DHX8: variants seen among roughly 807,000 people sequenced by gnomAD.
DHX8 encodes the protein DEAH-box helicase 8, also known as ATP-dependent RNA helicase DHX8.
A neutral mutation model predicts 140.7 loss-of-function variants in DHX8; 67 were observed. The ratio of observed to expected loss-of-function variants is 0.48; its 90% confidence interval spans 0.39 to 0.58. DHX8 has a LOEUF of 0.58. Among genes scored for constraint, DHX8 ranks in the 20% least tolerant of loss-of-function variants. The probability of loss-of-function intolerance (pLI) is 0.00; values close to 1 mark genes in which losing one functional copy is unlikely to be tolerated. For synonymous variants in DHX8, 533 were observed against 553.2 expected (o/e 0.96, Z 0.51); for missense variants, 887 against 1,550.7 (o/e 0.57, Z 7.19).
chr17:43,511,025 A>G (rs569227688), intron 16 of DHX8, among the ~76,000 whole-genome samples: 55 of 152,044 alleles, frequency 3.6e-4, no homozygotes, highest in African/African-American at 1.2e-3. Context: ...TTGTTTATCC[A>G]TTTATCAGTT....
chr17:43,494,848 G>A (rs1397071244), intron 8 of DHX8, among the ~76,000 whole-genome samples: 1 of 134,166 alleles, frequency 7.5e-6, no homozygotes, highest in East Asian at 2.2e-4. Context: ...GTCTCGCTCT[G>A]TCACCCAGGC....
rs2154586941 is a variant in DHX8, at chr17:43,524,008, CAG to C, written c.*162_*163del. On this transcript the variant is annotated 3_prime_UTR_variant, in exon 23 of 23. Transcript: ENST00000262415. ...TTCTTCCCTGCTGGTAAAATAGAAA[CAG>C]GGATTTAAACCTGGCTTTGGCAAGA... The C allele has an allele frequency of 6.9e-7, 1 of 1,442,302 alleles. No individual in the cohort carries two copies. Among genetic ancestry groups the C allele is most frequent in the East Asian group, 2.5e-5 (1 of 40,020 alleles). The allele number at this position is 1,442,302 out of a possible 1,614,324, so 89.3% of individuals were successfully genotyped here. A position where few individuals can be genotyped will look rare whatever the true frequency, so the allele number is the denominator to read the frequency against.
chr17:43,493,765 T>C lies in DHX8; in HGVS notation c.1091T>C (p.Met364Thr). The stretch of plus-strand genomic sequence containing the variant: ...GGGGAGACCAATGAGGAGACCTCAA[T>C]GCGGAATCCTGATAGACCCACTCAC... ...LVGETNEETSMRNPDRPTHLS... is the reference protein window; with the variant it reads ...LVGETNEETSTRNPDRPTHLS... The change falls in exon 8 of 23, where the codon ATG becomes ACG. Residue 364 changes from methionine (M) to threonine (T), a missense_variant. Physicochemically the swap from Met to Thr is moderately conservative, Grantham distance 81. Coordinates refer to ENST00000262415, the MANE Select transcript of DHX8 (RefSeq NM_004941.3). The C allele has an allele frequency of 6.2e-7, 1 of 1,614,200 alleles. No homozygotes were observed. The highest frequency in any genetic ancestry group is 8.5e-7 in the Non-Finnish European group (1 of 1,180,038).
chr17:43,524,433 ATCCCCTGAAACCAGAACGCAGGGCC>A lies in DHX8; in HGVS notation c.*589_*613del, dbSNP rs771425060. On this transcript the variant is annotated 3_prime_UTR_variant, in exon 23 of 23. Coordinates refer to ENST00000262415, the MANE Select transcript of DHX8 (RefSeq NM_004941.3). Reference sequence around the variant, plus strand: ...GGCACACATGATGAGAATCCCCTGAATCCCCTGAAACCAGAACGCAGGGCCTCTTTGCGCTCGGAAACGACGTACA... The same window carrying A: ...GGCACACATGATGAGAATCCCCTGAATCTTTGCGCTCGGAAACGACGTACA... 2.9e-5 allele frequency: 29 copies of A among 988,388 alleles called. No homozygotes were observed. The highest frequency in any genetic ancestry group is 3.5e-5 in the Non-Finnish European group (29 of 832,042). 61.2% of individuals were successfully genotyped at this position (988,388 alleles called of 1,614,324 possible).
chr17:43,508,130 T>C (rs1969596054), intron 15 of DHX8, 111 bp downstream of exon 15: 1 of 1,184,846 alleles, frequency 8.4e-7, no homozygotes, highest in African/African-American at 1.6e-5. Flanking sequence ...AACTTCTAAA[T>C]ATTCATCTCT....
intron 22 of DHX8, 91 bp downstream of exon 22, chr17:43,522,317 TC>T: frequency 1.6e-6 from 2 of 1,273,736 alleles, no homozygotes; most frequent in Non-Finnish European, 2.2e-6. Flanking sequence ...TCTTCACTAC[TC>T]CCAGTATGTC....
At chr17:43,492,473 A>G (rs1182046818) in intron 5 of DHX8, among the ~76,000 whole-genome samples, 181 bp downstream of exon 5, 2 of 152,230 alleles carry the variant, frequency 1.3e-5, no homozygotes, top group Non-Finnish European at 2.9e-5. Flanking sequence ...GTTGTTCAGA[A>G]TATAGAAGTC....
intron 8 of DHX8, 134 bp downstream of exon 8, chr17:43,494,020 GA>G (rs1415551866): frequency 2.4e-6 from 2 of 827,624 alleles, no homozygotes; most frequent in African/African-American, 3.4e-5. Context: ...TCCTGATAAA[GA>G]CGTACCTGAG....
At chr17:43,515,830 C>T (rs559205226) in intron 17 of DHX8, among the ~76,000 whole-genome samples, 1 of 152,230 alleles carries the variant, frequency 6.6e-6, no homozygotes, top group African/African-American at 2.4e-5. Context: ...GTTAGTTGTC[C>T]TTTCATAACC....
At position 43,492,167 on chromosome 17, in the gene DHX8, G is replaced by A. The variant is rs373864953; in HGVS notation, c.394-16G>A. ...GTAGTTTTTTTTCCTAACTTTGCCG[G>A]CCTCTACCTCTGCAGACCATGTTGG... On this transcript the variant is annotated splice_polypyrimidine_tract_variant and intron_variant, in intron 4 of 22. Transcript: ENST00000262415. The A allele has an allele frequency of 1.6e-5, 25 of 1,605,014 alleles. No individual in the cohort carries two copies. The African/African-American group carries it at 3.2e-4, about 21-fold the overall frequency.
intron 16 of DHX8, among the ~76,000 whole-genome samples, chr17:43,511,429 G>A (rs759102314): frequency 7.1e-5 from 10 of 141,114 alleles, no homozygotes; most frequent in Non-Finnish European, 1.1e-4. Flanking sequence ...TGAGCCAGGC[G>A]CAGTGGCTTA....
At chr17:43,506,769 A>G (rs747756633) in intron 12 of DHX8, among the ~76,000 whole-genome samples, 2 of 152,184 alleles carry the variant, frequency 1.3e-5, no homozygotes, top group African/African-American at 4.8e-5. Flanking sequence ...TTGGGGAAAG[A>G]TATAGAAATT....
downstream of DHX8, among the ~76,000 whole-genome samples, chr17:43,527,200 C>T (rs1970643243): frequency 6.6e-6 from 1 of 152,184 alleles, no homozygotes; most frequent in Non-Finnish European, 1.5e-5. Flanking sequence ...TCTGATCTCT[C>T]CCAAATTTGG....
At chr17:43,534,161 A>G (rs896984608) in intron 2 of DHX8, among the ~76,000 whole-genome samples, 1 of 152,182 alleles carries the variant, frequency 6.6e-6, no homozygotes, top group Non-Finnish European at 1.5e-5. Flanking sequence ...GGCTATTTAC[A>G]TTATGTCTAG....
At chr17:43,522,020 CT>C in intron 21 of DHX8, 26 bp from the exon 22 acceptor site, 1 of 1,610,232 alleles carries the variant, frequency 6.2e-7, no homozygotes, top group Non-Finnish European at 8.5e-7. Context: ...GCTGAGTGGG[CT>C]CATATCTTTT....
rs186724814 is a variant in DHX8 at position 43,488,190 on chromosome 17, A to C, written c.149-1259A>C. Among the ~76,000 whole-genome samples the C allele has an allele frequency of 2.5e-3, 382 of 152,134 alleles. 3 individuals are homozygous for C. Among genetic ancestry groups the C allele is most frequent in the African/African-American group, 8.8e-3 (367 of 41,516 alleles). On this transcript the variant is annotated intron_variant, in intron 1 of 22. Transcript: ENST00000262415. ...CTACTTGGGAGGCTGAGGCAGAAGA[A>C]TCGCTTAAACTCAGGGGGCAGAGGT... is the stretch of plus-strand genomic sequence containing the variant.
rs549107509 is a variant in DHX8 at position 43,520,058 on chromosome 17, A to G, written c.2800-72A>G. 6 of 1,561,374 alleles carry G rather than the reference A, an allele frequency of 3.8e-6. 1 individual carries two copies. In the South Asian group the frequency reaches 5.7e-5, roughly 15 times the overall value. On this transcript the variant is annotated intron_variant, in intron 18 of 22. Transcript: ENST00000262415. ...TGAAGAAATGGGAAATAAAGTAACA[A>G]GTAGCTTCCCCACATGCTGACACTG... is the stretch of plus-strand genomic sequence containing the variant.
At chr17:43,530,166 G>T (rs374876992), downstream of DHX8, 38 of 1,556,994 alleles carry the variant, frequency 2.4e-5, no homozygotes, top group Non-Finnish European at 3.0e-5. Context: ...GTACATTGAT[G>T]CGCACCCGGT....
chr17:43,542,082 T>C (rs548566226), intron 3 of DHX8, among the ~76,000 whole-genome samples: 24 of 152,160 alleles, frequency 1.6e-4, no homozygotes, highest in African/African-American at 5.5e-4. Context: ...CCTACAAATA[T>C]GATTGGGACA....
Sources: gnomAD v4.1 joint callset for allele counts (sites outside exome capture counted in the v4.1 genomes callset) on GRCh38, gnomAD v4.1.1 for gene constraint, MANE v1.5 for transcripts, NCBI Gene and HGNC (gene_info 2026-07-23, HGNC 2026-07-21) for gene names.